The following IRAG1 variants were observed in gnomAD, a reference collection of about 807,000 sequenced individuals.
IRAG1 encodes IP3R-associated cGMP kinase substrate.
Under a neutral mutation model 106.2 loss-of-function variants are expected in IRAG1, and 62 were observed. The ratio of observed to expected loss-of-function variants is 0.58; its 90% confidence interval spans 0.48 to 0.72. IRAG1 has a LOEUF of 0.72. IRAG1 is among the 30% of genes least tolerant of loss of function. The probability of loss-of-function intolerance (pLI) is 0.00; values close to 1 mark genes in which losing one functional copy is unlikely to be tolerated. For synonymous variants in IRAG1, 462 were observed against 443.9 expected, an observed-to-expected ratio of 1.04 and a Z score of -0.51; for missense variants, 1,064 against 1,140.7, an observed-to-expected ratio of 0.93 and a Z score of 0.97.
chr11:10,609,692 G>A, intron 11 of IRAG1, 36 bp downstream of exon 11: 1 of 1,609,056 alleles, frequency 6.2e-7, no homozygotes, highest in East Asian at 2.2e-5. Context: ...GGGCCACTCG[G>A]TACAGGGCCT....
intron 10 of IRAG1, among the ~76,000 whole-genome samples, chr11:10,612,508 G>A (rs751042437): frequency 6.6e-6 from 1 of 152,094 alleles, no homozygotes; most frequent in Non-Finnish European, 1.5e-5. Context: ...AGAGATCCCA[G>A]CTAAGGTAGG....
chr11:10,625,840 C>A (rs955926963), intron 9 of IRAG1, 126 bp downstream of exon 9: 2 of 953,862 alleles, frequency 2.1e-6, no homozygotes, highest in Non-Finnish European at 2.8e-6. Context: ...GGAAAATTTA[C>A]GCCCTCACAA....
chr11:10,591,919 C>T (rs1309334232), intron 17 of IRAG1, among the ~76,000 whole-genome samples: 1 of 152,172 alleles, frequency 6.6e-6, no homozygotes, highest in African/African-American at 2.4e-5. Context: ...TTTTCTCTGT[C>T]CCGTTTAGCA....
Position 10,628,994 on chromosome 11 carries a change from C to T in IRAG1, c.575-166G>A, listed in dbSNP as rs1448796926. Among the ~76,000 whole-genome samples, 1 of 152,132 alleles carries T rather than the reference C, an allele frequency of 6.6e-6. No homozygotes were observed. Reference sequence around the variant, plus strand: ...TGATGCTCCTGTTACAGCCCAACCCCTCCCTGCTGCTGCTCAAGAGATGGG... The same window carrying T: ...TGATGCTCCTGTTACAGCCCAACCCTTCCCTGCTGCTGCTCAAGAGATGGG... On this transcript the variant is annotated intron_variant, in intron 5 of 20. Transcript: ENST00000423302. The surrounding 1 kb of genome is among the most constrained non-coding windows in gnomAD (Gnocchi z 4.1).
chr11:10,691,619 G>A (rs1388473667), intron 1 of IRAG1, among the ~76,000 whole-genome samples: 1 of 152,170 alleles, frequency 6.6e-6, no homozygotes, highest in Non-Finnish European at 1.5e-5. Context: ...CTTGGTGGCT[G>A]GGTGAGCTTG....
At chr11:10,604,993 C>T (rs756201539) in intron 12 of IRAG1, among the ~76,000 whole-genome samples, 14 of 152,164 alleles carry the variant, frequency 9.2e-5, no homozygotes, top group Non-Finnish European at 1.5e-4. Flanking sequence ...GCATTGTTGA[C>T]GTAAAGCAAA....
At chr11:10,601,911 CGTGA>C (rs1854058452) in intron 14 of IRAG1, among the ~76,000 whole-genome samples, 1 of 152,174 alleles carries the variant, frequency 6.6e-6, no homozygotes, top group African/African-American at 2.4e-5. Context: ...GAGCAGATGG[CGTGA>C]GTGACAGGTG....
intron 1 of IRAG1, among the ~76,000 whole-genome samples, chr11:10,692,273 T>G (rs1199123565): frequency 6.6e-6 from 1 of 151,932 alleles, no homozygotes; most frequent in Non-Finnish European, 1.5e-5. Flanking sequence ...GTCCATTAGG[T>G]CAAAAATCGC....
At chr11:10,654,108 C>A (rs888023690) in intron 1 of IRAG1, among the ~76,000 whole-genome samples, 1 of 152,130 alleles carries the variant, frequency 6.6e-6, no homozygotes, top group Non-Finnish European at 1.5e-5. Context: ...GGAGGAAGAA[C>A]CGGAAAGCCC....
intron 2 of IRAG1, among the ~76,000 whole-genome samples, chr11:10,645,281 A>G (rs1857855052): frequency 6.6e-6 from 1 of 152,168 alleles, no homozygotes; most frequent in African/African-American, 2.4e-5. Flanking sequence ...TATTTTTGGA[A>G]TAGAAATAGG....
At chr11:10,637,656 A>G (rs73413832) in intron 2 of IRAG1, among the ~76,000 whole-genome samples, 12,334 of 152,116 alleles carry the variant, frequency 0.081, 647 homozygotes, top group Admixed American at 0.13. Flanking sequence ...TGATGGCTCT[A>G]TTCAAGGTGA....
At chr11:10,623,744 T>C (rs1176512540) in intron 10 of IRAG1, 34 bp downstream of exon 10, 1 of 1,599,844 alleles carries the variant, frequency 6.3e-7, no homozygotes, top group Admixed American at 1.7e-5. Flanking sequence ...AAATCAGCAC[T>C]CGCTGAGACA....
At position 10,574,479 on chromosome 11, in the gene IRAG1, A is replaced by G. The variant is rs1037202496; in HGVS notation, c.*1853T>C. 1 of 152,138 alleles carries G rather than the reference A, an allele frequency of 6.6e-6. No homozygotes were observed. Among genetic ancestry groups the G allele is most frequent in the Non-Finnish European group, 1.5e-5 (1 of 68,034 alleles). 9.4% of individuals were successfully genotyped at this position (152,138 alleles called of 1,614,324 possible). On this transcript the variant is annotated 3_prime_UTR_variant, in exon 21 of 21. Transcript: ENST00000423302. ...ATACATAAATAGGCCATGGTATACTATAGGTAAAGGTCAATAATAATAATG... is the reference window on the plus strand; with the variant it reads ...ATACATAAATAGGCCATGGTATACTGTAGGTAAAGGTCAATAATAATAATG...
chr11:10,629,815 C>T (rs1856550491), intron 4 of IRAG1, 104 bp from the exon 5 acceptor site: 3 of 1,242,336 alleles, frequency 2.4e-6, no homozygotes, highest in East Asian at 2.5e-5. Flanking sequence ...CCACAGCTGA[C>T]CCAGCCAGCC....
chr11:10,626,652 G>T lies in IRAG1; in HGVS notation c.751-69C>A, dbSNP rs181946059. 671 of 1,490,122 alleles carry T rather than the reference G, an allele frequency of 4.5e-4. 1 individual carries two copies. The African/African-American group carries it at 8.3e-3, about 18-fold the overall frequency. 92.3% of individuals were successfully genotyped at this position (1,490,122 alleles called of 1,614,324 possible). On this transcript the variant is annotated intron_variant, in intron 8 of 20. Transcript: ENST00000423302. ...AGGGGAAACAGGTGAGGCCACTTCT[G>T]CTGTGGAGTCTCTGCCCCCACACAC...
intron 11 of IRAG1, among the ~76,000 whole-genome samples, chr11:10,608,032 C>A (rs1022302945): frequency 2.6e-5 from 4 of 152,206 alleles, no homozygotes; most frequent in Non-Finnish European, 4.4e-5. Context: ...CACATATTTT[C>A]ATAAATTATA....
chr11:10,642,324 A>G (rs1167079947), intron 2 of IRAG1, among the ~76,000 whole-genome samples: 2 of 152,246 alleles, frequency 1.3e-5, no homozygotes, highest in East Asian at 3.8e-4. Context: ...GGAATGCACA[A>G]TAGTTTTCCT....
In IRAG1 at chr11:10,604,006, C is replaced by G. The variant is rs997125932; in HGVS notation, c.1743+399G>C. Among the ~76,000 whole-genome samples the G allele has an allele frequency of 3.3e-5, 5 of 152,282 alleles. No individual in the cohort carries two copies. The East Asian group carries it at 9.6e-4, about 29-fold the overall frequency. On this transcript the variant is annotated intron_variant, in intron 13 of 20. Transcript: ENST00000423302. ...CAAACTGACTAAGACACACACCAAG[C>G]CTAGACTCAGCTCTCATGAAAGCAG...
rs544061867 is a variant in IRAG1 at position 10,626,041 on chromosome 11, G to A, written c.1293C>T (p.Ala431=). The change falls in exon 9 of 21, where the codon GCC becomes GCT. Residue 431 remains alanine, a synonymous_variant. Coordinates refer to ENST00000423302, the MANE Select transcript of IRAG1 (RefSeq NM_130385.4). The part of the protein sequence containing the change: ...RFAGKAGGKL[A]KAPGLKDFQI... ...GAAAGTCTTTGAGACCAGGGGCCTT[G>A]GCCAGCTTGCCGCCGGCCTTGCCTG... The A allele has an allele frequency of 1.3e-6, 2 of 1,514,892 alleles. No homozygotes were observed. Among genetic ancestry groups the A allele is most frequent in the South Asian group, 1.3e-5 (1 of 74,968 alleles). 93.8% of individuals were successfully genotyped at this position (1,514,892 alleles called of 1,614,324 possible).
Sources: allele counts gnomAD v4.1 joint callset (sites outside exome capture counted in the v4.1 genomes callset), GRCh38; gene constraint gnomAD v4.1.1; non-coding constraint Gnocchi (gnomAD v3.1); transcripts MANE v1.5; gene names NCBI Gene and HGNC (gene_info 2026-07-23, HGNC 2026-07-21).